The following CADPS variants were observed in gnomAD, a reference collection of about 807,000 sequenced individuals.
The protein encoded by CADPS is calcium-dependent secretion activator 1.
Under a neutral mutation model 167.3 loss-of-function variants are expected in CADPS, and 57 were observed. The observed-to-expected ratio is 0.34, with a 90% CI of 0.28 to 0.42. The LOEUF (loss-of-function observed/expected upper bound fraction) is 0.42. Ranked by LOEUF, CADPS falls within the 20% of genes least tolerant of loss-of-function variation. The pLI, the probability that CADPS is intolerant of heterozygous loss-of-function variation, is 1.00. For synonymous variants in CADPS, 676 were observed against 635.3 expected (o/e 1.06, Z -0.96); for missense variants, 1,414 against 1,738.1 (o/e 0.81, Z 3.32).
intron 1 of CADPS, among the ~76,000 whole-genome samples, chr3:62,845,807 C>T (rs1433943708): frequency 2.0e-5 from 3 of 152,018 alleles, no homozygotes; most frequent in Admixed American, 6.6e-5. Context: ...GATTTCTTCC[C>T]CATTTGACAT....
In CADPS at chr3:62,437,980, A is replaced by C. The variant is rs551300851; in HGVS notation, c.3777+124T>G. On this transcript the variant is annotated intron_variant, in intron 28 of 29. Transcript: ENST00000383710. ...GAGCCTAAGGCAGAGGGAGAGGAAA[A>C]GATTTAGTCTGAATCAGAACCAATC... 9.2e-6 allele frequency: 6 copies of C among 651,848 alleles called. No individual in the cohort carries two copies. In the South Asian group the frequency reaches 9.5e-5, roughly 10 times the overall value. 40.4% of individuals were successfully genotyped at this position (651,848 alleles called of 1,614,324 possible). A position where few individuals can be genotyped will look rare whatever the true frequency, so the allele number is the denominator to read the frequency against.
At chr3:62,731,813 A>AAAAAAAAAAAAAAAAAAG (rs1480068660) in intron 3 of CADPS, among the ~76,000 whole-genome samples, 1 of 86,246 alleles carries the variant, frequency 1.2e-5, no homozygotes, top group Non-Finnish European at 2.2e-5. Flanking sequence ...TGCAAAAAAA[A>AAAAAAAAAAAAAAAAAAG]AAAAAAAAAA....
At chr3:62,423,973 T>C (rs570026988) in intron 28 of CADPS, among the ~76,000 whole-genome samples, 1 of 152,358 alleles carries the variant, frequency 6.6e-6, no homozygotes, top group Admixed American at 6.5e-5. Flanking sequence ...CTTCAATTAA[T>C]TGGAATCTTT....
chr3:62,675,242 C>T (rs1672633629), intron 3 of CADPS, among the ~76,000 whole-genome samples: 2 of 151,620 alleles, frequency 1.3e-5, no homozygotes, highest in South Asian at 2.1e-4. Flanking sequence ...GTGGCCCTAA[C>T]CTAGCTGCAA....
intron 1 of CADPS, among the ~76,000 whole-genome samples, chr3:62,773,731 C>T (rs1375223466): frequency 6.6e-6 from 1 of 151,640 alleles, no homozygotes; most frequent in Non-Finnish European, 1.5e-5. Flanking sequence ...TATGTTCTAT[C>T]CTCTTGCATA....
intron 10 of CADPS, among the ~76,000 whole-genome samples, chr3:62,555,751 T>A (rs1338832087): frequency 6.6e-6 from 1 of 152,186 alleles, no homozygotes; most frequent in African/African-American, 2.4e-5. Flanking sequence ...TTTACAATTC[T>A]ATTTTTTGAG....
intron 6 of CADPS, among the ~76,000 whole-genome samples, chr3:62,638,622 A>G (rs1563200769): frequency 6.6e-6 from 1 of 152,146 alleles, no homozygotes; most frequent in Admixed American, 6.5e-5. Flanking sequence ...TACTCATGAA[A>G]TCAGAACTTT....
intron 28 of CADPS, among the ~76,000 whole-genome samples, chr3:62,436,580 G>C (rs1273257486): frequency 3.3e-5 from 5 of 152,178 alleles, no homozygotes; most frequent in Non-Finnish European, 7.3e-5. Flanking sequence ...TTTCATATAA[G>C]GCATGCATGC....
At position 62,540,444 on chromosome 3, in the gene CADPS, G is replaced by A. The variant is rs1376003470; in HGVS notation, c.1967-3863C>T. The stretch of plus-strand genomic sequence containing the variant: ...GGTCCTCAGGAGGGGTTATTAACTG[G>A]CTTACTCTGACACCTTCATCCCAGT... On this transcript the variant is annotated intron_variant, in intron 11 of 29. Coordinates refer to ENST00000383710, the MANE Select transcript of CADPS (RefSeq NM_003716.4). Among the ~76,000 whole-genome samples, 3 of 152,034 alleles carry A rather than the reference G, an allele frequency of 2.0e-5. No individual in the cohort carries two copies. In the East Asian group the frequency reaches 5.8e-4, roughly 29 times the overall value.
At chr3:62,646,000 G>A (rs1053836374) in intron 5 of CADPS, among the ~76,000 whole-genome samples, 157 bp from the exon 6 acceptor site, 7 of 152,132 alleles carry the variant, frequency 4.6e-5, no homozygotes, top group Middle Eastern at 3.2e-3. Flanking sequence ...AGTCTAGCAC[G>A]AAGATGCAAT....
chr3:62,713,963 C>T (rs2083906918), intron 3 of CADPS, among the ~76,000 whole-genome samples: 1 of 152,170 alleles, frequency 6.6e-6, no homozygotes, highest in South Asian at 2.1e-4. Context: ...AAAAATTTCT[C>T]TATATTCTTT....
At chr3:62,494,693 G>GTTTT (rs2064354364) in intron 18 of CADPS, among the ~76,000 whole-genome samples, 1 of 69,786 alleles carries the variant, frequency 1.4e-5, no homozygotes, top group Admixed American at 1.7e-4. Flanking sequence ...TTTGGACGGA[G>GTTTT]TTTTGCTCTT....
chr3:62,451,787 G>T (rs1211206198), intron 26 of CADPS, among the ~76,000 whole-genome samples: 1 of 152,128 alleles, frequency 6.6e-6, no homozygotes. Flanking sequence ...TTTGGCCTTT[G>T]AAATTTCTGC....
rs926986878 is a variant in CADPS, at chr3:62,465,852, G to A, written c.3553-402C>T. Among the ~76,000 whole-genome samples, 7 of 152,156 alleles carry A rather than the reference G, an allele frequency of 4.6e-5. No individual in the cohort carries two copies. The highest frequency in any genetic ancestry group is 4.6e-4 in the Admixed American group (7 of 15,282). ...TATCAGTAATTTGGGGGAAACAGAAGTTTAGCACTGGCAAATATAAATGTC... is the reference window on the plus strand; with the variant it reads ...TATCAGTAATTTGGGGGAAACAGAAATTTAGCACTGGCAAATATAAATGTC... On this transcript the variant is annotated intron_variant, in intron 25 of 29. Transcript: ENST00000383710. The surrounding 1 kb of genome is among the most constrained non-coding windows in gnomAD (Gnocchi z 4.1).
chr3:62,550,758 G>A (rs2077189439), intron 10 of CADPS: 1 of 455,704 alleles, frequency 2.2e-6, no homozygotes, highest in African/African-American at 2.0e-5. Context: ...CCAGGTTTCA[G>A]TGGACACATT....
At chr3:62,571,203 T>A (rs1400549927) in intron 8 of CADPS, among the ~76,000 whole-genome samples, 1 of 152,098 alleles carries the variant, frequency 6.6e-6, no homozygotes, top group Non-Finnish European at 1.5e-5. Flanking sequence ...CGCTGCAACT[T>A]AATTTGTGTA....
At chr3:62,468,421 C>T (rs2060192960) in intron 24 of CADPS, among the ~76,000 whole-genome samples, 2 of 152,100 alleles carry the variant, frequency 1.3e-5, no homozygotes, top group South Asian at 4.1e-4. Flanking sequence ...AGAAACAAAA[C>T]ACTCTCTTGA....
chr3:62,561,877 G>A (rs2079225754), intron 9 of CADPS, among the ~76,000 whole-genome samples: 1 of 152,110 alleles, frequency 6.6e-6, no homozygotes, highest in Non-Finnish European at 1.5e-5. Context: ...ACCAGCCCTT[G>A]TCCAAAATTC....
chr3:62,671,133 G>A (rs2075435404), intron 3 of CADPS, among the ~76,000 whole-genome samples: 1 of 152,136 alleles, frequency 6.6e-6, no homozygotes, highest in Non-Finnish European at 1.5e-5. Context: ...AACAGCAGAG[G>A]CTTGTTATGA....
Sources: gnomAD v4.1 joint callset for allele counts (sites outside exome capture counted in the v4.1 genomes callset) on GRCh38, gnomAD v4.1.1 for gene constraint, Gnocchi (gnomAD v3.1) non-coding constraint, MANE v1.5 for transcripts, NCBI Gene and HGNC (gene_info 2026-07-23, HGNC 2026-07-21) for gene names.